KLHL1: variants seen among roughly 807,000 people sequenced by gnomAD.
KLHL1 encodes kelch like family member 1.
A neutral mutation model predicts 77.7 loss-of-function variants in KLHL1; 47 were observed. The observed-to-expected ratio is 0.60, with a 90% CI of 0.48 to 0.77. KLHL1 has a LOEUF of 0.77. KLHL1 is among the 30% of genes least tolerant of loss of function. KLHL1 has a pLI of 0.00. For synonymous variants in KLHL1, 360 were observed against 325.2 expected, an observed-to-expected ratio of 1.11 and a Z score of -1.15; for missense variants, 925 against 910.8, an observed-to-expected ratio of 1.02 and a Z score of -0.20.
At chr13:70,058,863 A>C (rs1886809379) in intron 1 of KLHL1, among the ~76,000 whole-genome samples, 1 of 152,200 alleles carries the variant, frequency 6.6e-6, no homozygotes, top group African/African-American at 2.4e-5. Flanking sequence ...AAAAACAGAC[A>C]CATAGACCAA....
At chr13:70,090,957 G>T (rs935783627) in intron 1 of KLHL1, among the ~76,000 whole-genome samples, 11 of 151,982 alleles carry the variant, frequency 7.2e-5, no homozygotes, top group Non-Finnish European at 1.3e-4. Flanking sequence ...CTTGACTGCT[G>T]GACTTCACAT....
intron 1 of KLHL1, among the ~76,000 whole-genome samples, chr13:70,085,067 T>C (rs908974780): frequency 1.3e-5 from 2 of 152,152 alleles, no homozygotes; most frequent in Non-Finnish European, 2.9e-5. Flanking sequence ...TATATCCGTA[T>C]GTGACCATAA....
intron 5 of KLHL1, among the ~76,000 whole-genome samples, chr13:69,855,505 C>T (rs370493752): frequency 6.6e-6 from 1 of 151,844 alleles, no homozygotes; most frequent in African/African-American, 2.4e-5. Context: ...CCCATAATTT[C>T]CACATATCAA....
At chr13:69,973,879 G>A (rs917190261) in intron 2 of KLHL1, among the ~76,000 whole-genome samples, 1 of 151,886 alleles carries the variant, frequency 6.6e-6, no homozygotes, top group Non-Finnish European at 1.5e-5. Context: ...CCAGGTTTTT[G>A]CCAAGCAAAA....
intron 6 of KLHL1, among the ~76,000 whole-genome samples, chr13:69,799,916 A>G (rs1877299939): frequency 6.6e-6 from 1 of 152,192 alleles, no homozygotes; most frequent in Non-Finnish European, 1.5e-5. Flanking sequence ...AAATTCTCAT[A>G]GGAGCGCAAA....
chr13:69,836,017 T>C (rs1444832210), intron 6 of KLHL1, among the ~76,000 whole-genome samples: 1 of 152,044 alleles, frequency 6.6e-6, no homozygotes, highest in Non-Finnish European at 1.5e-5. Flanking sequence ...AGTACAAAAT[T>C]TAGCTGTTTT....
chr13:69,767,416 T>C (rs1341452308), intron 7 of KLHL1, among the ~76,000 whole-genome samples: 1 of 152,178 alleles, frequency 6.6e-6, no homozygotes, highest in African/African-American at 2.4e-5. Flanking sequence ...ATATCAGTTA[T>C]CCAGGCATGG....
chr13:69,830,751 C>G (rs375000093), intron 6 of KLHL1, among the ~76,000 whole-genome samples: 1 of 150,050 alleles, frequency 6.7e-6, no homozygotes, highest in African/African-American at 2.5e-5. Context: ...CAAGTACTCT[C>G]TCAGACCACA....
intron 5 of KLHL1, among the ~76,000 whole-genome samples, chr13:69,859,330 G>A (rs1305662472): frequency 2.0e-5 from 3 of 149,296 alleles, no homozygotes; most frequent in Non-Finnish European, 3.0e-5. Flanking sequence ...TGACTTCCTC[G>A]CTGATTTGTT....
chr13:70,104,656 C>T (rs1052997358), intron 1 of KLHL1, among the ~76,000 whole-genome samples: 6 of 151,998 alleles, frequency 3.9e-5, no homozygotes, highest in Non-Finnish European at 8.8e-5. Context: ...AAATACAATG[C>T]TCATTATTAA....
chr13:69,759,778 AGACTT>A (rs1404956309), intron 7 of KLHL1, among the ~76,000 whole-genome samples: 2 of 152,188 alleles, frequency 1.3e-5, no homozygotes, highest in African/African-American at 4.8e-5. Context: ...CTCAGAGCTG[AGACTT>A]CATGCCTAAA....
intron 9 of KLHL1, among the ~76,000 whole-genome samples, chr13:69,718,083 T>A (rs1485962417): frequency 6.6e-6 from 1 of 152,064 alleles, no homozygotes; most frequent in Non-Finnish European, 1.5e-5. Flanking sequence ...TAGAAAAAAA[T>A]GTCATAAATG....
intron 6 of KLHL1, among the ~76,000 whole-genome samples, chr13:69,817,198 G>C (rs772798067): frequency 2.0e-5 from 3 of 151,968 alleles, no homozygotes; most frequent in Non-Finnish European, 4.4e-5. Context: ...CCCCAGAAAA[G>C]GTCTTCCATA....
Position 70,107,567 on chromosome 13 carries a change from T to A in KLHL1, c.133A>T (p.Ser45Cys). 4 of 1,606,936 alleles carry A rather than the reference T, an allele frequency of 2.5e-6. No individual in the cohort carries two copies. Among genetic ancestry groups the A allele is most frequent in the Non-Finnish European group, 3.4e-6 (4 of 1,176,132 alleles). The change falls in exon 1 of 11, where the codon AGC (serine) becomes TGC (cysteine). Residue 45 changes from serine (S) to cysteine (C), a missense_variant. Coordinates refer to ENST00000377844, the MANE Select transcript of KLHL1 (RefSeq NM_020866.3). ...TGGCTGGGTCCCCAGTGCTCAAAGC[T>A]GCCACTGCCGTCCTGTTGCAGGCAG... ...GGCLQQDGSGSFEHWGPSQSR... is the reference protein window; with the variant it reads ...GGCLQQDGSGCFEHWGPSQSR...
chr13:69,869,405 T>C (rs1343212441), intron 5 of KLHL1, among the ~76,000 whole-genome samples: 13 of 152,172 alleles, frequency 8.5e-5, no homozygotes, highest in Admixed American at 8.5e-4. Context: ...GCAACAAGAT[T>C]ATTTCTAAGA....
chr13:69,719,063 T>C (rs2137892857), intron 9 of KLHL1, among the ~76,000 whole-genome samples: 1 of 152,186 alleles, frequency 6.6e-6, no homozygotes, highest in East Asian at 1.9e-4. Flanking sequence ...TTTAAAAGTA[T>C]ATCAAGAAGA....
At chr13:69,819,721 A>T (rs1255550788) in intron 6 of KLHL1, among the ~76,000 whole-genome samples, 1 of 152,104 alleles carries the variant, frequency 6.6e-6, no homozygotes, top group African/African-American at 2.4e-5. Context: ...TGTGGCCCTA[A>T]CATGCCATCA....
chr13:69,872,757 T>C (rs1427574523), intron 5 of KLHL1, among the ~76,000 whole-genome samples: 1 of 152,144 alleles, frequency 6.6e-6, no homozygotes, highest in Non-Finnish European at 1.5e-5. Flanking sequence ...AACGGGGATT[T>C]TTTGGTAACA....
At chr13:70,048,539 G>A (rs1192437836) in intron 1 of KLHL1, among the ~76,000 whole-genome samples, 1 of 152,150 alleles carries the variant, frequency 6.6e-6, no homozygotes, top group African/African-American at 2.4e-5. Context: ...TGACAACAGG[G>A]ACCAGTTTCG....
Sources: allele counts gnomAD v4.1 joint callset (sites outside exome capture counted in the v4.1 genomes callset), GRCh38; gene constraint gnomAD v4.1.1; transcripts MANE v1.5; gene names NCBI Gene and HGNC (gene_info 2026-07-23, HGNC 2026-07-21).